EXOC6B: variants seen among roughly 807,000 people sequenced by gnomAD.
EXOC6B encodes the protein SEC15 homolog B.
EXOC6B carries 54 observed loss-of-function variants against 113.5 expected under a neutral mutation model. That is an observed-to-expected ratio of 0.48 (90% CI 0.38 to 0.60). EXOC6B has a LOEUF of 0.60. Among genes scored for constraint, EXOC6B ranks in the 20% least tolerant of loss-of-function variants. EXOC6B has a pLI of 0.00. For missense variants in EXOC6B, 797 were observed against 977.5 expected, an observed-to-expected ratio of 0.82 and a Z score of 2.46; for synonymous variants, 357 against 339.0, an observed-to-expected ratio of 1.05 and a Z score of -0.58.
chr2:72,561,913 C>T (rs1373981926), intron 7 of EXOC6B, among the ~76,000 whole-genome samples: 1 of 152,130 alleles, frequency 6.6e-6, no homozygotes, highest in Non-Finnish European at 1.5e-5. Flanking sequence ...TCTTCCTAAG[C>T]ATAAGACTGC....
intron 6 of EXOC6B, among the ~76,000 whole-genome samples, chr2:72,625,268 T>C (rs914399404): frequency 6.6e-6 from 1 of 151,136 alleles, no homozygotes; most frequent in African/African-American, 2.4e-5. Context: ...TGTGTATATA[T>C]ATACCTAAAA....
At chr2:72,224,809 T>C (rs1170705150) in intron 20 of EXOC6B, among the ~76,000 whole-genome samples, 3 of 148,604 alleles carry the variant, frequency 2.0e-5, no homozygotes, top group Non-Finnish European at 4.5e-5. Context: ...TGTGTGTGTG[T>C]GTGTGTGTGT....
intron 19 of EXOC6B, among the ~76,000 whole-genome samples, chr2:72,378,301 C>T (rs1558608028): frequency 6.6e-6 from 1 of 152,216 alleles, no homozygotes; most frequent in Non-Finnish European, 1.5e-5. Context: ...CTCCACCAAT[C>T]CCAGCTGTCA....
intron 20 of EXOC6B, among the ~76,000 whole-genome samples, chr2:72,248,487 A>C (rs938475351): frequency 1.3e-5 from 2 of 152,178 alleles, no homozygotes; most frequent in Non-Finnish European, 2.9e-5. Context: ...AGGTTCACTT[A>C]AAGAGTGGTA....
chr2:72,281,260 T>A (rs1280292106), intron 20 of EXOC6B, among the ~76,000 whole-genome samples: 1 of 152,192 alleles, frequency 6.6e-6, no homozygotes, highest in African/African-American at 2.4e-5. Context: ...GAAAATAGAA[T>A]GAATCTCTCT....
chr2:72,274,500 A>C (rs1477649168), intron 20 of EXOC6B, among the ~76,000 whole-genome samples: 2 of 152,136 alleles, frequency 1.3e-5, no homozygotes, highest in East Asian at 3.8e-4. Flanking sequence ...AGTACCTTGT[A>C]AAGTTTCTTT....
At chr2:72,293,842 A>C (rs1006140506) in intron 20 of EXOC6B, among the ~76,000 whole-genome samples, 3 of 152,168 alleles carry the variant, frequency 2.0e-5, no homozygotes, top group African/African-American at 4.8e-5. Context: ...TGAAATACAC[A>C]ATGTATTTGA....
chr2:72,296,919 A>G (rs1686172934), intron 20 of EXOC6B, among the ~76,000 whole-genome samples: 1 of 152,222 alleles, frequency 6.6e-6, no homozygotes, highest in South Asian at 2.1e-4. Flanking sequence ...AAGGAGGACA[A>G]GGAACATAAT....
intron 20 of EXOC6B, among the ~76,000 whole-genome samples, chr2:72,318,966 T>C (rs2104820688): frequency 6.6e-6 from 1 of 151,698 alleles, no homozygotes; most frequent in Middle Eastern, 3.5e-3. Flanking sequence ...TGATGCATGA[T>C]TATACTTCCC....
intron 8 of EXOC6B, among the ~76,000 whole-genome samples, chr2:72,518,483 GGTGTGTGT>G (rs138382972): frequency 2.4e-4 from 34 of 143,476 alleles, no homozygotes; most frequent in African/African-American, 4.6e-4. Flanking sequence ...ATTAAAGTAG[GGTGTGTGT>G]GTGTGTGTGT....
intron 18 of EXOC6B, chr2:72,464,782 C>A: frequency 5.0e-6 from 1 of 201,182 alleles, no homozygotes; most frequent in Non-Finnish European, 9.9e-6. Context: ...AGCATTTCAT[C>A]AAAGAATTTC....
At chr2:72,646,889 A>G (rs2104381390) in intron 6 of EXOC6B, among the ~76,000 whole-genome samples, 1 of 152,328 alleles carries the variant, frequency 6.6e-6, no homozygotes, top group South Asian at 2.1e-4. Flanking sequence ...GAAAACTGCC[A>G]CAAGACAGGG....
intron 18 of EXOC6B, among the ~76,000 whole-genome samples, chr2:72,404,876 G>C (rs1055914793): frequency 2.0e-5 from 3 of 152,156 alleles, no homozygotes; most frequent in Admixed American, 6.5e-5. Flanking sequence ...TTGACGAGTT[G>C]AGAGAAGAAG....
chr2:72,636,801 G>A (rs932830382), intron 6 of EXOC6B, among the ~76,000 whole-genome samples: 8 of 151,808 alleles, frequency 5.3e-5, no homozygotes, highest in African/African-American at 9.7e-5. Context: ...AATATAGTAC[G>A]TACAATTCTA....
intron 19 of EXOC6B, among the ~76,000 whole-genome samples, chr2:72,372,138 A>G (rs1038417157): frequency 9.2e-5 from 14 of 152,148 alleles, no homozygotes; most frequent in Non-Finnish European, 1.6e-4. Flanking sequence ...CTTACAAACT[A>G]TAAAATACTG....
chr2:72,337,936 G>A (rs1461731865), intron 19 of EXOC6B, among the ~76,000 whole-genome samples: 1 of 152,104 alleles, frequency 6.6e-6, no homozygotes, highest in Non-Finnish European at 1.5e-5. Flanking sequence ...TACACAAATA[G>A]CAAGATTCAT....
chr2:72,728,623 A>G (rs546184745), intron 5 of EXOC6B, among the ~76,000 whole-genome samples: 7 of 152,302 alleles, frequency 4.6e-5, no homozygotes, highest in African/African-American at 1.7e-4. Context: ...CTCAACCAGC[A>G]TCTTGGAGTT....
intron 11 of EXOC6B, among the ~76,000 whole-genome samples, chr2:72,510,323 C>A (rs1700827804): frequency 1.3e-5 from 2 of 151,782 alleles, no homozygotes; most frequent in Admixed American, 6.6e-5. Context: ...ATACCTAGAA[C>A]CTAAGAAATG....
chr2:72,741,349 A>G lies in EXOC6B; in HGVS notation c.234T>C (p.Ser78=). ...CTCTCACTTTCAGCAGTTCAGTTAT[A>G]GAGTCCACAAAGCCCTGGTAATGAA... ...CNFHYQGFVD[S]ITELLKVRGE... The change falls in exon 2 of 22, where the codon TCT becomes TCC. Residue 78 remains serine, a synonymous_variant. Transcript: ENST00000272427. The G allele has an allele frequency of 6.2e-7, 1 of 1,613,826 alleles. No homozygotes were observed.
Sources: gnomAD v4.1 joint callset for allele counts (sites outside exome capture counted in the v4.1 genomes callset) on GRCh38, gnomAD v4.1.1 for gene constraint, MANE v1.5 for transcripts, NCBI Gene and HGNC (gene_info 2026-07-23, HGNC 2026-07-21) for gene names.